The following LMO7 variants were observed in gnomAD, a reference collection of about 807,000 sequenced individuals.
LMO7 encodes LIM domain only protein 7.
A neutral mutation model predicts 206.5 loss-of-function variants in LMO7; 120 were observed. The ratio of observed to expected loss-of-function variants is 0.58; its 90% CI spans 0.50 to 0.68. The LOEUF (loss-of-function observed/expected upper bound fraction) is 0.68, where lower values mean the gene tolerates loss of function less well. Among genes scored for constraint, LMO7 ranks in the 30% least tolerant of loss-of-function variants. The probability of loss-of-function intolerance (pLI) is 0.00; values close to 1 mark genes in which losing one functional copy is unlikely to be tolerated. For synonymous variants in LMO7, 706 were observed against 681.5 expected (o/e 1.04, Z -0.56); for missense variants, 1,959 against 1,957.9 (o/e 1.00, Z -0.01).
chr13:75,679,545 C>A (rs953223045), intron 1 of LMO7, among the ~76,000 whole-genome samples: 2 of 152,142 alleles, frequency 1.3e-5, no homozygotes, highest in East Asian at 3.8e-4. Flanking sequence ...TGGCTCCTAC[C>A]CTGGACACAC....
chr13:75,821,148 G>A (rs1166484995), intron 13 of LMO7, 29 bp from the exon 14 acceptor site: 1 of 1,543,032 alleles, frequency 6.5e-7, no homozygotes, highest in East Asian at 2.3e-5. Flanking sequence ...GTGTGTCTTT[G>A]TGGTGATGGT....
At chr13:75,697,938 C>T (rs1418058000) in intron 1 of LMO7, among the ~76,000 whole-genome samples, 1 of 152,186 alleles carries the variant, frequency 6.6e-6, no homozygotes, top group Non-Finnish European at 1.5e-5. Context: ...AAGCTGATTT[C>T]TCCACAATTC....
intron 1 of LMO7, among the ~76,000 whole-genome samples, chr13:75,704,002 T>C (rs2042473274): frequency 6.6e-6 from 1 of 152,338 alleles, no homozygotes; most frequent in South Asian, 2.1e-4. Flanking sequence ...GGACATCTTA[T>C]GGAATTTATT....
intron 7 of LMO7, among the ~76,000 whole-genome samples, chr13:75,801,300 TA>T (rs956564160): frequency 9.2e-5 from 14 of 151,966 alleles, no homozygotes; most frequent in Non-Finnish European, 1.8e-4. Flanking sequence ...TTCAAAAGAT[TA>T]AAAAAACTCT....
chr13:75,632,862 G>GTTTTTTTCTTTTTTTTTTTTTTT, upstream of LMO7, among the ~76,000 whole-genome samples: 1 of 102,138 alleles, frequency 9.8e-6, no homozygotes, highest in Non-Finnish European at 1.9e-5. Flanking sequence ...TTACTTAAAA[G>GTTTTTTTCTTTTTTTTTTTTTTT]TTTTTTTTTT....
chr13:75,664,121 C>A (rs1432573013), intron 1 of LMO7, among the ~76,000 whole-genome samples: 3 of 152,134 alleles, frequency 2.0e-5, no homozygotes, highest in African/African-American at 7.2e-5. Context: ...GTCCCCACTT[C>A]CCCGTCACCA....
chr13:75,827,635 C>T (rs2058251004), intron 15 of LMO7, among the ~76,000 whole-genome samples: 1 of 152,146 alleles, frequency 6.6e-6, no homozygotes, highest in South Asian at 2.1e-4. Context: ...GGGAGTGTGA[C>T]TCCTGGAGTC....
Position 75,776,164 on chromosome 13 carries a change from T to TATATATATATATATATATATATCGG in LMO7, c.317+15148_317+15149insCGGATATATATATATATATATATAT, listed in dbSNP as rs1555317258. Among the ~76,000 whole-genome samples the TATATATATATATATATATATATCGG allele has an allele frequency of 5.6e-4, 14 of 25,094 alleles. 1 individual carries two copies. The highest frequency in any genetic ancestry group is 8.7e-4 in the Non-Finnish European group (11 of 12,698). 16.5% of individuals were successfully genotyped at this position (25,094 alleles called of 152,430 possible). A position where few individuals can be genotyped will look rare whatever the true frequency, so the allele number is the denominator to read the frequency against. Reference sequence around the variant, plus strand: ...ATATATGCCATGTATATATATCGGATATATATATATATATATATATATATA... The same window carrying TATATATATATATATATATATATCGG: ...ATATATGCCATGTATATATATCGGATATATATATATATATATATATATCGGATATATATATATATATATATATATA... On this transcript the variant is annotated intron_variant, in intron 4 of 30. Transcript: ENST00000377534.
intron 11 of LMO7, among the ~76,000 whole-genome samples, chr13:75,814,601 A>C (rs1024852697): frequency 1.3e-5 from 2 of 152,214 alleles, no homozygotes; most frequent in Non-Finnish European, 2.9e-5. Flanking sequence ...GCTCCCCTTC[A>C]GGTACAGGTG....
intron 1 of LMO7, among the ~76,000 whole-genome samples, chr13:75,674,050 A>G (rs1351289116): frequency 2.0e-5 from 3 of 152,240 alleles, no homozygotes; most frequent in Non-Finnish European, 2.9e-5. Flanking sequence ...TTTTTCAGAA[A>G]TAAAAACTTT....
intron 3 of LMO7, among the ~76,000 whole-genome samples, chr13:75,746,258 A>G (rs1457822876): frequency 6.6e-6 from 1 of 152,198 alleles, no homozygotes; most frequent in Non-Finnish European, 1.5e-5. Flanking sequence ...GCAGAAGATC[A>G]CAAATTGGTA....
chr13:75,816,448 G>T (rs545104202), intron 11 of LMO7, among the ~76,000 whole-genome samples: 1 of 152,224 alleles, frequency 6.6e-6, no homozygotes, highest in Non-Finnish European at 1.5e-5. Context: ...GCACACATGT[G>T]CCTGTGCCCA....
At chr13:75,846,045 C>T (rs2059968451) in intron 26 of LMO7, among the ~76,000 whole-genome samples, 1 of 151,848 alleles carries the variant, frequency 6.6e-6, no homozygotes, top group East Asian at 1.9e-4. Flanking sequence ...TCCAGCCTAT[C>T]ATTGCCATGC....
At chr13:75,779,841 A>G (rs2051050682) in intron 4 of LMO7, among the ~76,000 whole-genome samples, 1 of 152,168 alleles carries the variant, frequency 6.6e-6, no homozygotes, top group Non-Finnish European at 1.5e-5. Flanking sequence ...CAATATTTCA[A>G]TGTAGGTTCT....
intron 2 of LMO7, among the ~76,000 whole-genome samples, chr13:75,713,675 TC>T (rs998906338): frequency 6.6e-6 from 1 of 152,188 alleles, no homozygotes; most frequent in African/African-American, 2.4e-5. Context: ...GGTAGATTTT[TC>T]CTTTAAGCTT....
At chr13:75,631,560 G>GAGA (rs3036390), upstream of LMO7, 144,679 of 152,326 alleles carry the variant, frequency 0.95, 69,152 homozygotes, top group East Asian at 1. Context: ...GTGGGTGAGG[G>GAGA]AGGTGAACTG....
At chr13:75,789,887 T>A (rs9600551) in intron 4 of LMO7, among the ~76,000 whole-genome samples, 1,542 of 152,200 alleles carry the variant, frequency 0.01, 28 homozygotes, top group East Asian at 0.068. Flanking sequence ...TAAATGAAGA[T>A]AGATTTTGGC....
intron 4 of LMO7, among the ~76,000 whole-genome samples, chr13:75,777,709 G>A (rs1180754074): frequency 6.7e-6 from 1 of 149,234 alleles, no homozygotes; most frequent in East Asian, 2.0e-4. Context: ...GCAGTGGGGC[G>A]ATCCCGGCTC....
chr13:75,642,493 C>T (rs569908684), intron 1 of LMO7, among the ~76,000 whole-genome samples: 70 of 146,706 alleles, frequency 4.8e-4, no homozygotes, highest in Non-Finnish European at 8.8e-4. Context: ...TTCTTGGCTG[C>T]TTGGGAGGCT....
Sources: allele counts gnomAD v4.1 joint callset (sites outside exome capture counted in the v4.1 genomes callset), GRCh38; gene constraint gnomAD v4.1.1; transcripts MANE v1.5; gene names NCBI Gene and HGNC (gene_info 2026-07-23, HGNC 2026-07-21).